Variants in PTPRN2 observed in about 807,000 individuals in gnomAD.
PTPRN2 encodes protein tyrosine phosphatase receptor type N2.
A neutral mutation model predicts 118.8 loss-of-function variants in PTPRN2; 74 were observed. That is an observed-to-expected ratio of 0.62 (90% CI 0.52 to 0.76). The LOEUF (loss-of-function observed/expected upper bound fraction) is 0.76, where lower values mean the gene tolerates loss of function less well. PTPRN2 is among the 30% of genes least tolerant of loss of function. The pLI is 0.00. For synonymous variants in PTPRN2, 641 were observed against 608.0 expected (o/e 1.05, Z -0.80); for missense variants, 1,481 against 1,394.4 (o/e 1.06, Z -0.99).
intron 22 of PTPRN2, 64 bp from the exon 23 acceptor site, chr7:157,540,849 G>A (rs1433908649): frequency 1.4e-5 from 19 of 1,321,682 alleles, no homozygotes; most frequent in South Asian, 6.4e-5. Context: ...CTGCCACAGC[G>A]TCGGCTCCCT....
intron 10 of PTPRN2, among the ~76,000 whole-genome samples, chr7:158,091,657 G>C (rs186432122): frequency 7.3e-4 from 110 of 151,382 alleles, no homozygotes; most frequent in African/African-American, 2.6e-3. Flanking sequence ...GTGATGGATG[G>C]GTAGAGAGAT....
At chr7:157,614,127 A>C (rs10247739) in intron 15 of PTPRN2, 190,184 of 464,016 alleles carry the variant, frequency 0.41, 40,886 homozygotes, top group Middle Eastern at 0.49. Flanking sequence ...AGGAGGACGG[A>C]GAGGAGGGGG....
At chr7:158,112,128 A>AG (rs1365728687) in intron 9 of PTPRN2, among the ~76,000 whole-genome samples, 3 of 152,236 alleles carry the variant, frequency 2.0e-5, no homozygotes, top group African/African-American at 4.8e-5. Context: ...CCTCCAGGAC[A>AG]GGGAGAAGAT....
intron 2 of PTPRN2, among the ~76,000 whole-genome samples, chr7:158,441,179 AGTG>A (rs1206111769): frequency 7.5e-6 from 1 of 133,778 alleles, no homozygotes; most frequent in African/African-American, 3.2e-5. Flanking sequence ...CAGTGGTGGC[AGTG>A]GTGGTGATAG....
intron 3 of PTPRN2, among the ~76,000 whole-genome samples, chr7:158,206,329 C>G (rs1425085622): frequency 6.6e-6 from 1 of 152,136 alleles, no homozygotes; most frequent in Non-Finnish European, 1.5e-5. Flanking sequence ...CACCTTGGGC[C>G]AAAGGAAAAC....
chr7:158,059,248 A>G (rs376161587), intron 11 of PTPRN2, among the ~76,000 whole-genome samples: 22 of 121,274 alleles, frequency 1.8e-4, no homozygotes, highest in South Asian at 1.2e-3. Context: ...ATCTGCCCAC[A>G]GTGAGACACC....
At chr7:158,262,953 CAT>C (rs1183859756) in intron 3 of PTPRN2, among the ~76,000 whole-genome samples, 95 of 147,154 alleles carry the variant, frequency 6.5e-4, no homozygotes, top group East Asian at 1.8e-3. Flanking sequence ...CATTCACACA[CAT>C]ACACACATTC....
intron 11 of PTPRN2, among the ~76,000 whole-genome samples, chr7:157,907,135 A>AC (rs1797816438): frequency 6.6e-6 from 1 of 152,188 alleles, no homozygotes; most frequent in South Asian, 2.1e-4. Context: ...GAAGCATAAA[A>AC]CCACCTTCAA....
intron 12 of PTPRN2, among the ~76,000 whole-genome samples, chr7:157,702,311 C>A (rs889150099): frequency 6.6e-6 from 1 of 151,354 alleles, no homozygotes; most frequent in South Asian, 2.1e-4. Flanking sequence ...GTAACTGTTG[C>A]GGGCTCTGCC....
chr7:158,347,224 C>T (rs992782872), intron 2 of PTPRN2, among the ~76,000 whole-genome samples: 11 of 152,166 alleles, frequency 7.2e-5, no homozygotes, highest in Admixed American at 1.3e-4. Flanking sequence ...AGTAGTTTTA[C>T]AGTTTCAGGT....
chr7:157,972,909 C>A (rs1316030382), intron 11 of PTPRN2, among the ~76,000 whole-genome samples: 2 of 150,334 alleles, frequency 1.3e-5, no homozygotes, highest in Non-Finnish European at 3.0e-5. Flanking sequence ...AACTCCACAC[C>A]GTGAGAACAG....
At chr7:157,741,398 C>T (rs544602621) in intron 12 of PTPRN2, among the ~76,000 whole-genome samples, 2 of 152,306 alleles carry the variant, frequency 1.3e-5, no homozygotes, top group African/African-American at 4.8e-5. Context: ...CATGGGTGCC[C>T]GGCCTGCTCT....
At position 158,336,522 on chromosome 7, in the gene PTPRN2, A is replaced by G. The variant is rs200368650; in HGVS notation, c.164-19590T>C. On this transcript the variant is annotated intron_variant, in intron 2 of 22. Coordinates refer to ENST00000389418, the MANE Select transcript of PTPRN2 (RefSeq NM_002847.5). ...TGTCACTCACACCCACACTCTCACC[A>G]TAAGAGGTGAAACCTGCCGACGTCA... 3.5e-3 allele frequency among the ~76,000 whole-genome samples: 187 copies of G among 54,074 alleles called. 2 individuals are homozygous for G. Among genetic ancestry groups the G allele is most frequent in the African/African-American group, 0.011 (166 of 15,756 alleles). The allele number at this position is 54,074 out of a possible 152,430, so 35.5% of individuals were successfully genotyped here. A position where few individuals can be genotyped will look rare whatever the true frequency, so the allele number is the denominator to read the frequency against.
intron 2 of PTPRN2, among the ~76,000 whole-genome samples, chr7:158,340,539 C>T (rs540792146): frequency 3.2e-5 from 4 of 124,276 alleles, no homozygotes; most frequent in East Asian, 2.5e-4. Flanking sequence ...TAAGAGCTGT[C>T]GCCCGCAGAG....
intron 2 of PTPRN2, among the ~76,000 whole-genome samples, chr7:158,317,476 G>C (rs1802430957): frequency 6.6e-6 from 1 of 152,216 alleles, no homozygotes; most frequent in African/African-American, 2.4e-5. Context: ...GGGACTAATG[G>C]GGACTAATTT....
In PTPRN2 at chr7:158,522,485, T is replaced by G. The variant is rs1336458310; in HGVS notation, c.113-32700A>C. On this transcript the variant is annotated intron_variant, in intron 1 of 22. Transcript: ENST00000389418. ...AAAGGTCCACGTCAGAATGGTGGAC[T>G]GTTTTAAGAGGAAGGTCCACGTCAG... Among the ~76,000 whole-genome samples, 5 of 151,180 alleles carry G rather than the reference T, an allele frequency of 3.3e-5. 1 individual carries two copies. The highest frequency in any genetic ancestry group is 5.9e-5 in the Non-Finnish European group (4 of 67,942).
intron 1 of PTPRN2, chr7:158,541,436 C>G (rs1294022163): frequency 7.4e-7 from 1 of 1,350,632 alleles, no homozygotes; most frequent in East Asian, 4.5e-5. Flanking sequence ...CTGCCCACAT[C>G]TGCACCAGAC....
intron 5 of PTPRN2, among the ~76,000 whole-genome samples, chr7:158,188,093 C>T (rs1294655200): frequency 1.3e-5 from 2 of 152,112 alleles, no homozygotes; most frequent in African/African-American, 2.4e-5. Context: ...CCCCAGTGGC[C>T]CCGTCACGAG....
chr7:158,368,809 C>A (rs6942394), intron 2 of PTPRN2, among the ~76,000 whole-genome samples: 31 of 152,034 alleles, frequency 2.0e-4, no homozygotes, highest in African/African-American at 7.5e-4. Flanking sequence ...AATTTTAGGA[C>A]GAGAGCTCTG....
Sources: gnomAD v4.1 joint callset for allele counts (sites outside exome capture counted in the v4.1 genomes callset) on GRCh38, gnomAD v4.1.1 for gene constraint, MANE v1.5 for transcripts, NCBI Gene and HGNC (gene_info 2026-07-23, HGNC 2026-07-21) for gene names.